The following FBXO16 variants were observed in gnomAD, a reference collection of about 807,000 sequenced individuals.
FBXO16 encodes the protein F-box protein 16.
Under a neutral mutation model 41.0 loss-of-function variants are expected in FBXO16, and 31 were observed. The ratio of observed to expected loss-of-function variants is 0.76; its 90% CI spans 0.57 to 1.02. The LOEUF (loss-of-function observed/expected upper bound fraction) is 1.02. Ranked by LOEUF, FBXO16 falls within the 50% of genes least tolerant of loss-of-function variation. The pLI, the probability that FBXO16 is intolerant of heterozygous loss-of-function variation, is 0.00. For missense variants in FBXO16, 361 were observed against 346.2 expected, an observed-to-expected ratio of 1.04 and a Z score of -0.34; for synonymous variants, 133 against 117.8, an observed-to-expected ratio of 1.13 and a Z score of -0.84.
chr8:28,443,070 C>T (rs1802806549), intron 7 of FBXO16, among the ~76,000 whole-genome samples: 1 of 151,302 alleles, frequency 6.6e-6, no homozygotes, highest in African/African-American at 2.4e-5. Context: ...CCAGGCTGGA[C>T]TGCAGTGGTG....
intron 7 of FBXO16, among the ~76,000 whole-genome samples, chr8:28,440,644 G>T (rs1183740597): frequency 6.6e-6 from 1 of 152,160 alleles, no homozygotes; most frequent in Non-Finnish European, 1.5e-5. Flanking sequence ...TAAGAGTAAA[G>T]TTATCCCTGG....
At chr8:28,474,367 G>C (rs1305584644) in intron 2 of FBXO16, among the ~76,000 whole-genome samples, 1 of 74,456 alleles carries the variant, frequency 1.3e-5, no homozygotes, top group Non-Finnish European at 3.1e-5. Flanking sequence ...AGAGAAAGAA[G>C]AAAAGAAAAA....
chr8:28,459,097 T>C (rs1803083258), intron 4 of FBXO16, among the ~76,000 whole-genome samples: 1 of 152,202 alleles, frequency 6.6e-6, no homozygotes, highest in African/African-American at 2.4e-5. Context: ...CTAATAATAA[T>C]ATTATCCTTG....
intron 7 of FBXO16, among the ~76,000 whole-genome samples, chr8:28,437,462 T>C (rs1802703452): frequency 6.6e-6 from 1 of 152,220 alleles, no homozygotes. Flanking sequence ...CTTTTAGGTA[T>C]CAAAAATTAA....
chr8:28,440,469 G>A lies in FBXO16; in HGVS notation c.843+6702C>T, dbSNP rs140260137. ...GTGACTACTCATTAGTGGTACAGTT[G>A]AAACTAGAACTGGGGTTTCCTGATT... On this transcript the variant is annotated intron_variant, in intron 7 of 8. Transcript: ENST00000380254. 3.1e-3 allele frequency among the ~76,000 whole-genome samples: 468 copies of A among 152,238 alleles called. 5 individuals carry two copies. Among genetic ancestry groups the A allele is most frequent in the African/African-American group, 0.011 (449 of 41,548 alleles).
intron 6 of FBXO16, among the ~76,000 whole-genome samples, chr8:28,449,980 G>A (rs199688945): frequency 0.048 from 3,833 of 80,310 alleles, 19 homozygotes; most frequent in Non-Finnish European, 0.067. Context: ...AAAAAAAAAA[G>A]AAAAAAAAAA....
At chr8:28,469,111 C>T (rs1483189133) in intron 3 of FBXO16, among the ~76,000 whole-genome samples, 2 of 151,896 alleles carry the variant, frequency 1.3e-5, no homozygotes, top group African/African-American at 2.4e-5. Flanking sequence ...GAGTTCGAGA[C>T]CAGCCTGACC....
intron 2 of FBXO16, among the ~76,000 whole-genome samples, chr8:28,475,101 T>C (rs947721079): frequency 6.6e-6 from 1 of 152,234 alleles, no homozygotes; most frequent in Non-Finnish European, 1.5e-5. Flanking sequence ...CTCTTGGCAC[T>C]TGCTACATTC....
chr8:28,465,317 A>C (rs1336989949), intron 3 of FBXO16: 4 of 420,166 alleles, frequency 9.5e-6, no homozygotes, highest in African/African-American at 4.2e-5. Flanking sequence ...CAGGGGCAGA[A>C]ATGTGTTGAA....
intron 7 of FBXO16, among the ~76,000 whole-genome samples, chr8:28,442,142 G>A (rs748627934): frequency 4.0e-5 from 6 of 151,830 alleles, no homozygotes; most frequent in African/African-American, 7.3e-5. Context: ...GTTTCACCAC[G>A]TTGGCCAGGC....
chr8:28,435,132 A>G (rs1802668582), intron 7 of FBXO16, among the ~76,000 whole-genome samples: 1 of 151,414 alleles, frequency 6.6e-6, no homozygotes, highest in African/African-American at 2.4e-5. Context: ...ATCCGAGAAG[A>G]ATGAGGTCAC....
At chr8:28,443,710 G>A (rs1312487103) in intron 7 of FBXO16, among the ~76,000 whole-genome samples, 1 of 152,122 alleles carries the variant, frequency 6.6e-6, no homozygotes, top group Non-Finnish European at 1.5e-5. Context: ...GGATGAGATA[G>A]GAGGTCAGCA....
intron 4 of FBXO16, among the ~76,000 whole-genome samples, chr8:28,459,482 G>A (rs947218071): frequency 1.3e-5 from 2 of 151,806 alleles, no homozygotes; most frequent in Non-Finnish European, 2.9e-5. Flanking sequence ...GCTGGGCGTG[G>A]TGACATGCGC....
intron 5 of FBXO16, among the ~76,000 whole-genome samples, chr8:28,453,204 G>A (rs1802984068): frequency 6.6e-6 from 1 of 152,064 alleles, no homozygotes; most frequent in Non-Finnish European, 1.5e-5. Flanking sequence ...TACTACAAAA[G>A]TAGTAAGTTG....
intron 3 of FBXO16, among the ~76,000 whole-genome samples, chr8:28,472,127 T>C (rs574895579): frequency 3.6e-4 from 55 of 152,270 alleles, no homozygotes; most frequent in African/African-American, 1.3e-3. Context: ...ATGGTCTTGC[T>C]CTGTTGCCCA....
At chr8:28,459,770 T>A (rs988520308) in intron 4 of FBXO16, among the ~76,000 whole-genome samples, 1 of 152,008 alleles carries the variant, frequency 6.6e-6, no homozygotes, top group Non-Finnish European at 1.5e-5. Flanking sequence ...CTCATGCCTG[T>A]AATCCCAGCA....
At chr8:28,437,410 T>C (rs1024967349) in intron 7 of FBXO16, among the ~76,000 whole-genome samples, 23 of 151,980 alleles carry the variant, frequency 1.5e-4, no homozygotes, top group Admixed American at 1.2e-3. Flanking sequence ...CACCTGAGAG[T>C]TGATTTTGCC....
At chr8:28,484,726 G>C (rs1239826912) in intron 1 of FBXO16, among the ~76,000 whole-genome samples, 3 of 151,364 alleles carry the variant, frequency 2.0e-5, no homozygotes, top group Admixed American at 2.0e-4. Flanking sequence ...CGGGTAGCTG[G>C]GACTACAGGC....
chr8:28,463,519 T>C, intron 4 of FBXO16, 93 bp downstream of exon 4: 1 of 1,213,346 alleles, frequency 8.2e-7, no homozygotes, highest in Non-Finnish European at 1.2e-6. Context: ...TGTGTGTGTG[T>C]ATGCCTGTGT....
Sources: gnomAD v4.1 joint callset for allele counts (sites outside exome capture counted in the v4.1 genomes callset) on GRCh38, gnomAD v4.1.1 for gene constraint, MANE v1.5 for transcripts, NCBI Gene and HGNC (gene_info 2026-07-23, HGNC 2026-07-21) for gene names.